KCNIP4: variants seen among roughly 807,000 people sequenced by gnomAD.
The protein encoded by KCNIP4 is potassium voltage-gated channel interacting protein 4.
Under a neutral mutation model 34.0 loss-of-function variants are expected in KCNIP4, and 12 were observed. The observed-to-expected ratio is 0.35, with a 90% CI of 0.23 to 0.57. The LOEUF (loss-of-function observed/expected upper bound fraction) is 0.57. KCNIP4 is among the 20% of genes least tolerant of loss of function. KCNIP4 has a pLI of 0.83. For missense variants in KCNIP4, 238 were observed against 311.7 expected (o/e 0.76, Z 1.78); for synonymous variants, 124 against 102.2 (o/e 1.21, Z -1.29).
At chr4:20,776,271 A>G (rs1328713005) in intron 3 of KCNIP4, among the ~76,000 whole-genome samples, 1 of 152,232 alleles carries the variant, frequency 6.6e-6, no homozygotes, top group Non-Finnish European at 1.5e-5. Flanking sequence ...GGAAGGAAAA[A>G]CAATGCATGT....
intron 1 of KCNIP4, among the ~76,000 whole-genome samples, chr4:21,680,865 G>A (rs1357204055): frequency 1.3e-5 from 2 of 152,090 alleles, no homozygotes; most frequent in Non-Finnish European, 2.9e-5. Flanking sequence ...TTCCATTATT[G>A]AGCAGAGACA....
intron 1 of KCNIP4, among the ~76,000 whole-genome samples, chr4:21,124,434 C>T (rs1464673125): frequency 6.6e-6 from 1 of 152,186 alleles, no homozygotes; most frequent in Non-Finnish European, 1.5e-5. Context: ...TTTCATCTCT[C>T]TCAACCTCTG....
chr4:21,481,891 A>G (rs1186280607), intron 1 of KCNIP4, among the ~76,000 whole-genome samples: 1 of 152,164 alleles, frequency 6.6e-6, no homozygotes, highest in African/African-American at 2.4e-5. Context: ...GCTAAATCTA[A>G]AAGTCACACA....
chr4:21,143,999 C>T (rs1245699097), intron 1 of KCNIP4, among the ~76,000 whole-genome samples: 6 of 152,258 alleles, frequency 3.9e-5, no homozygotes, highest in African/African-American at 1.2e-4. Context: ...TGAGCCACCG[C>T]GCCAGGCCCA....
At chr4:21,920,726 T>C (rs1449242005) in intron 1 of KCNIP4, among the ~76,000 whole-genome samples, 1 of 152,188 alleles carries the variant, frequency 6.6e-6, no homozygotes, top group Non-Finnish European at 1.5e-5. Flanking sequence ...TGGATTTTGG[T>C]ATCCAATGGA....
chr4:21,166,721 T>C (rs1189058209), intron 1 of KCNIP4, among the ~76,000 whole-genome samples: 1 of 151,780 alleles, frequency 6.6e-6, no homozygotes, highest in Non-Finnish European at 1.5e-5. Context: ...GGCGGATCAC[T>C]TGAGGTCAGG....
intron 1 of KCNIP4, among the ~76,000 whole-genome samples, chr4:21,281,274 A>C (rs1490318565): frequency 6.6e-6 from 1 of 151,758 alleles, no homozygotes; most frequent in Non-Finnish European, 1.5e-5. Context: ...TTTTAGTAGC[A>C]ATGGGGTTTC....
At chr4:20,998,319 C>T (rs933233760) in intron 1 of KCNIP4, among the ~76,000 whole-genome samples, 2 of 152,158 alleles carry the variant, frequency 1.3e-5, no homozygotes, top group African/African-American at 2.4e-5. Context: ...GTGAAAGTTT[C>T]GTCCCAGCAC....
At chr4:21,102,310 G>A (rs1215902547) in intron 1 of KCNIP4, among the ~76,000 whole-genome samples, 1 of 152,136 alleles carries the variant, frequency 6.6e-6, no homozygotes, top group Non-Finnish European at 1.5e-5. Context: ...ATAGAAGAAT[G>A]AAAGAACAAT....
chr4:21,144,405 C>T (rs1752201026), intron 1 of KCNIP4, among the ~76,000 whole-genome samples: 1 of 152,172 alleles, frequency 6.6e-6, no homozygotes, highest in Admixed American at 6.5e-5. Flanking sequence ...AGGGCAAGGA[C>T]TGTTTATTCA....
At chr4:21,253,028 A>G (rs77310096) in intron 1 of KCNIP4, among the ~76,000 whole-genome samples, 3,294 of 152,294 alleles carry the variant, frequency 0.022, 84 homozygotes, top group East Asian at 0.16. Flanking sequence ...ACTTCTCAGA[A>G]GTAAGATTTT....
At chr4:20,736,088 G>C (rs1205522449) in intron 5 of KCNIP4, among the ~76,000 whole-genome samples, 5 of 152,098 alleles carry the variant, frequency 3.3e-5, no homozygotes, top group Non-Finnish European at 7.4e-5. Context: ...AAGCTGCCTG[G>C]TGAAAAATCT....
At chr4:21,574,100 C>A (rs1040644618) in intron 1 of KCNIP4, among the ~76,000 whole-genome samples, 1 of 152,048 alleles carries the variant, frequency 6.6e-6, no homozygotes, top group African/African-American at 2.4e-5. Flanking sequence ...ATTCTAACGA[C>A]TGTAACAGAG....
At chr4:20,798,985 G>T (rs973260374) in intron 3 of KCNIP4, among the ~76,000 whole-genome samples, 20 of 152,130 alleles carry the variant, frequency 1.3e-4, no homozygotes, top group Middle Eastern at 3.2e-3. Flanking sequence ...CACCATTTTG[G>T]AACCAGAGAC....
At chr4:21,494,181 T>C (rs1199972780) in intron 1 of KCNIP4, among the ~76,000 whole-genome samples, 1 of 152,226 alleles carries the variant, frequency 6.6e-6, no homozygotes, top group Non-Finnish European at 1.5e-5. Context: ...TTCTTTTAAC[T>C]GTCTCAATGT....
intron 1 of KCNIP4, among the ~76,000 whole-genome samples, chr4:21,918,432 C>T (rs1235777613): frequency 6.6e-6 from 1 of 152,088 alleles, no homozygotes; most frequent in Non-Finnish European, 1.5e-5. Flanking sequence ...AAGAGTTCCA[C>T]AGGCAAAGAC....
intron 1 of KCNIP4, among the ~76,000 whole-genome samples, chr4:21,124,227 C>T (rs1480257907): frequency 1.3e-5 from 2 of 152,086 alleles, no homozygotes; most frequent in African/African-American, 4.8e-5. Flanking sequence ...TCCCACTATA[C>T]ATTTATGAGA....
At chr4:21,026,880 G>A (rs1740601603) in intron 1 of KCNIP4, among the ~76,000 whole-genome samples, 1 of 152,102 alleles carries the variant, frequency 6.6e-6, no homozygotes, top group African/African-American at 2.4e-5. Context: ...TCTGGAACAT[G>A]GAACACAACC....
chr4:20,962,840 C>G (rs1160699543), intron 1 of KCNIP4, among the ~76,000 whole-genome samples: 1 of 152,108 alleles, frequency 6.6e-6, no homozygotes, highest in Non-Finnish European at 1.5e-5. Context: ...TCTAAAAGCC[C>G]TAAAGTGTTG....
Sources: gnomAD v4.1 joint callset for allele counts (sites outside exome capture counted in the v4.1 genomes callset) on GRCh38, gnomAD v4.1.1 for gene constraint, MANE v1.5 for transcripts, NCBI Gene and HGNC (gene_info 2026-07-23, HGNC 2026-07-21) for gene names.